The following EBF1 variants were observed in gnomAD, a reference collection of about 807,000 sequenced individuals.
EBF1 encodes the protein transcription factor COE1.
A neutral mutation model predicts 68.4 loss-of-function variants in EBF1; 10 were observed. That is an observed-to-expected ratio of 0.15 (90% CI 0.09 to 0.25). The LOEUF is 0.25. Among genes scored for constraint, EBF1 ranks in the 10% least tolerant of loss-of-function variants. The pLI is 1.00. For synonymous variants in EBF1, 298 were observed against 299.8 expected, an observed-to-expected ratio of 0.99 and a Z score of 0.06; for missense variants, 509 against 794.4, an observed-to-expected ratio of 0.64 and a Z score of 4.32.
chr5:158,764,816 T>A (rs1772298067), intron 10 of EBF1, among the ~76,000 whole-genome samples: 1 of 152,146 alleles, frequency 6.6e-6, no homozygotes. Flanking sequence ...TTGAAAGGTA[T>A]AATCAACTAG....
intron 9 of EBF1, 138 bp from the exon 10 acceptor site, chr5:158,777,677 G>T: frequency 1.2e-6 from 1 of 843,988 alleles, no homozygotes; most frequent in Non-Finnish European, 1.7e-6. Flanking sequence ...GATGGAACCT[G>T]CGTGAAAGAC....
At chr5:158,908,971 C>T (rs1211645094) in intron 6 of EBF1, among the ~76,000 whole-genome samples, 1 of 152,206 alleles carries the variant, frequency 6.6e-6, no homozygotes, top group Non-Finnish European at 1.5e-5. Flanking sequence ...CTCAACAGTG[C>T]CCCTCCTGCC....
intron 6 of EBF1, among the ~76,000 whole-genome samples, chr5:158,978,789 CACACACAT>C (rs1205019726): frequency 3.1e-3 from 312 of 101,942 alleles, no homozygotes; most frequent in African/African-American, 0.01. Context: ...TACACACACA[CACACACAT>C]ACACACACAC....
At chr5:158,737,545 A>C (rs1015422477) in intron 10 of EBF1, among the ~76,000 whole-genome samples, 7 of 151,768 alleles carry the variant, frequency 4.6e-5, no homozygotes, top group African/African-American at 1.7e-4. Context: ...CGGCCTCCCA[A>C]AGTGCTGGGA....
chr5:158,894,426 C>T (rs1801783171), intron 6 of EBF1, among the ~76,000 whole-genome samples: 1 of 151,630 alleles, frequency 6.6e-6, no homozygotes, highest in Admixed American at 6.6e-5. Flanking sequence ...CTTTTAATGC[C>T]TAAATATGTC....
At chr5:158,998,084 G>A (rs1761803855) in intron 6 of EBF1, among the ~76,000 whole-genome samples, 2 of 151,942 alleles carry the variant, frequency 1.3e-5, no homozygotes, top group South Asian at 4.1e-4. Flanking sequence ...CATCAATTAG[G>A]ACAGCCATTC....
intron 9 of EBF1, among the ~76,000 whole-genome samples, chr5:158,788,164 T>G (rs1777840184): frequency 6.6e-6 from 1 of 152,176 alleles, no homozygotes; most frequent in Non-Finnish European, 1.5e-5. Flanking sequence ...GAAGAGGGAA[T>G]GCCCTTAAAT....
At chr5:158,821,602 CA>C (rs951322506) in intron 8 of EBF1, among the ~76,000 whole-genome samples, 1 of 152,192 alleles carries the variant, frequency 6.6e-6, no homozygotes, top group Non-Finnish European at 1.5e-5. Context: ...CAGCACTCTC[CA>C]AATCATGCCC....
At chr5:158,780,806 G>A (rs1433249643) in intron 9 of EBF1, among the ~76,000 whole-genome samples, 1 of 152,120 alleles carries the variant, frequency 6.6e-6, no homozygotes, top group Non-Finnish European at 1.5e-5. Context: ...ACCAAAAGGA[G>A]ACTAACTTTC....
At chr5:158,772,423 A>G (rs942199751) in intron 10 of EBF1, among the ~76,000 whole-genome samples, 3 of 152,124 alleles carry the variant, frequency 2.0e-5, no homozygotes, top group Non-Finnish European at 4.4e-5. Flanking sequence ...GGACCTCCAG[A>G]GGAGGGGCTG....
rs61380054 is a variant in EBF1, at chr5:158,737,266, A to ATTTTTTT, written c.1037-6116_1037-6110dup. On this transcript the variant is annotated intron_variant, in intron 10 of 15. Transcript: ENST00000313708. Reference sequence around the variant, plus strand: ...CCAAACTGCCTTTGAACATGCCCTGATTTTTTTTTTTTTTTTTTTTTTTTT... The same window carrying ATTTTTTT: ...CCAAACTGCCTTTGAACATGCCCTGATTTTTTTTTTTTTTTTTTTTTTTTTTTTTTTT... 1.9e-3 allele frequency among the ~76,000 whole-genome samples: 107 copies of ATTTTTTT among 55,646 alleles called. 10 individuals carry two copies. Among genetic ancestry groups the ATTTTTTT allele is most frequent in the Admixed American group, 3.1e-3 (10 of 3,178 alleles). The allele number at this position is 55,646 out of a possible 152,430, so 36.5% of individuals were successfully genotyped here. A position where few individuals can be genotyped will look rare whatever the true frequency, so the allele number is the denominator to read the frequency against.
rs575948031 is a variant in EBF1, at chr5:158,804,981, C to T, written c.779-8506G>A. Among the ~76,000 whole-genome samples, 13 of 152,202 alleles carry T rather than the reference C, an allele frequency of 8.5e-5. No homozygotes were observed. The South Asian group carries it at 1.2e-3, about 15-fold the overall frequency. Reference sequence around the variant, plus strand: ...ATTTGTTGCAACAATAGTACATTCACGTGCCTCTGATTATACAATAAGTAA... The same window carrying T: ...ATTTGTTGCAACAATAGTACATTCATGTGCCTCTGATTATACAATAAGTAA... On this transcript the variant is annotated intron_variant, in intron 8 of 15. Transcript: ENST00000313708.
intron 6 of EBF1, among the ~76,000 whole-genome samples, chr5:158,959,669 GTA>G (rs370774868): frequency 5.3e-5 from 8 of 150,616 alleles, no homozygotes; most frequent in Admixed American, 6.6e-5. Flanking sequence ...ATATATGTAT[GTA>G]TATATATATA....
intron 6 of EBF1, among the ~76,000 whole-genome samples, chr5:159,019,350 A>G (rs1766227103): frequency 6.6e-6 from 1 of 152,230 alleles, no homozygotes; most frequent in Admixed American, 6.5e-5. Flanking sequence ...GGGCTCATAT[A>G]ACTAAGTGTG....
intron 6 of EBF1, among the ~76,000 whole-genome samples, chr5:158,882,771 G>A (rs935828813): frequency 6.6e-6 from 1 of 152,212 alleles, no homozygotes; most frequent in African/African-American, 2.4e-5. Flanking sequence ...CGATAGCACA[G>A]GGATATTCAT....
At chr5:158,976,677 T>C (rs969548841) in intron 6 of EBF1, among the ~76,000 whole-genome samples, 8 of 152,174 alleles carry the variant, frequency 5.3e-5, no homozygotes, top group African/African-American at 1.9e-4. Flanking sequence ...TATAAACCCA[T>C]AAAATGTAAC....
chr5:158,776,377 A>C (rs1775254927), intron 10 of EBF1, among the ~76,000 whole-genome samples: 1 of 152,106 alleles, frequency 6.6e-6, no homozygotes, highest in African/African-American at 2.4e-5. Context: ...CTAATATTGA[A>C]ATACAAGGGA....
chr5:159,090,438 A>T (rs1323884556), intron 4 of EBF1, among the ~76,000 whole-genome samples: 1 of 152,188 alleles, frequency 6.6e-6, no homozygotes, highest in African/African-American at 2.4e-5. Context: ...TGCTTCAATT[A>T]GCAGCTTGGC....
At chr5:159,082,154 C>T (rs1285732246) in intron 5 of EBF1, among the ~76,000 whole-genome samples, 1 of 151,894 alleles carries the variant, frequency 6.6e-6, no homozygotes, top group African/African-American at 2.4e-5. Flanking sequence ...TCCCCCTTTG[C>T]CTGCAACAAA....
Sources: allele counts gnomAD v4.1 joint callset (sites outside exome capture counted in the v4.1 genomes callset), GRCh38; gene constraint gnomAD v4.1.1; transcripts MANE v1.5; gene names NCBI Gene and HGNC (gene_info 2026-07-23, HGNC 2026-07-21).